Variants in BBX observed in about 807,000 individuals in gnomAD.
The protein encoded by BBX is HMG box transcription factor BBX.
In BBX, 30 loss-of-function variants were observed where a neutral mutation model predicts 100.2. The observed-to-expected ratio is 0.30, with a 90% confidence interval of 0.22 to 0.41. The LOEUF (loss-of-function observed/expected upper bound fraction) is 0.41, where lower values mean the gene tolerates loss of function less well. Ranked by LOEUF, BBX falls within the 10% of genes least tolerant of loss-of-function variation. BBX has a pLI of 1.00. For synonymous variants in BBX, 376 were observed against 388.1 expected (o/e 0.97, Z 0.37); for missense variants, 1,023 against 1,129.8 (o/e 0.91, Z 1.35).
rs1414866264 is a variant in BBX, at chr3:107,774,791, G to T, written c.1988G>T (p.Ser663Ile). 4 of 1,613,502 alleles carry T rather than the reference G, an allele frequency of 2.5e-6. No individual in the cohort carries two copies. In the African/African-American group the frequency reaches 4.0e-5, roughly 16 times the overall value. The change falls in exon 12 of 18, where the codon AGT becomes ATT. Residue 663 changes from serine (S) to isoleucine (I), a missense_variant. Physicochemically the swap from Ser to Ile is moderately radical, Grantham distance 142. Coordinates refer to ENST00000325805, the MANE Select transcript of BBX (RefSeq NM_001142568.3). ...TGGAATGAAGAAAGCTGGACATTTA[G>T]TCAGAGTGGGACCAGTGGGAGCAAG... ...GCWNEESWTF[S>I]QSGTSGSKKF...
chr3:107,723,963 C>A (rs1157105609), intron 5 of BBX, among the ~76,000 whole-genome samples: 2 of 152,160 alleles, frequency 1.3e-5, no homozygotes, highest in African/African-American at 2.4e-5. Flanking sequence ...ATTTCCAGTT[C>A]TAGATCCTTG....
intron 3 of BBX, among the ~76,000 whole-genome samples, chr3:107,668,004 A>G (rs1239096139): frequency 6.6e-6 from 1 of 152,194 alleles, no homozygotes; most frequent in Non-Finnish European, 1.5e-5. Flanking sequence ...AAAAATTTAC[A>G]TTTCCAAAAG....
chr3:107,681,162 G>T (rs775115197), intron 3 of BBX, among the ~76,000 whole-genome samples: 42 of 152,252 alleles, frequency 2.8e-4, no homozygotes, highest in Middle Eastern at 3.4e-3. Flanking sequence ...AATAGACACA[G>T]AAATATTAAT....
intron 4 of BBX, among the ~76,000 whole-genome samples, chr3:107,714,932 C>T (rs922644719): frequency 1.3e-5 from 2 of 151,932 alleles, no homozygotes; most frequent in Non-Finnish European, 2.9e-5. Context: ...ACTACAGGCA[C>T]GCGCCACCAT....
At chr3:107,614,592 T>G (rs1236568831) in intron 2 of BBX, among the ~76,000 whole-genome samples, 1 of 152,214 alleles carries the variant, frequency 6.6e-6, no homozygotes, top group African/African-American at 2.4e-5. Context: ...CCCCTGATAT[T>G]AAATGGTGTA....
chr3:107,789,756 T>G, intron 13 of BBX, 31 bp from the exon 14 acceptor site: 1 of 1,347,490 alleles, frequency 7.4e-7, no homozygotes, highest in Non-Finnish European at 1.0e-6. Context: ...ATTGTGAATT[T>G]AAAATATATT....
intron 2 of BBX, among the ~76,000 whole-genome samples, chr3:107,549,296 A>G (rs917372454): frequency 1.3e-5 from 2 of 152,200 alleles, no homozygotes; most frequent in Non-Finnish European, 2.9e-5. Flanking sequence ...TATGAAGTAT[A>G]CTTTCTAGTG....
At chr3:107,725,853 A>T (rs938897707) in intron 5 of BBX, among the ~76,000 whole-genome samples, 4 of 152,090 alleles carry the variant, frequency 2.6e-5, no homozygotes, top group African/African-American at 7.2e-5. Context: ...ATTGGAAGCC[A>T]TGAGGTGAAT....
chr3:107,799,055 CA>C (rs1433371073), intron 16 of BBX, among the ~76,000 whole-genome samples: 10 of 151,282 alleles, frequency 6.6e-5, no homozygotes, highest in African/African-American at 2.4e-4. Flanking sequence ...GAGGCTGAGG[CA>C]GGAGAATGGC....
intron 3 of BBX, among the ~76,000 whole-genome samples, chr3:107,653,279 G>A (rs1314165230): frequency 6.6e-6 from 1 of 152,172 alleles, no homozygotes; most frequent in East Asian, 1.9e-4. Context: ...GAATCAGCAG[G>A]TGTTTGTTAA....
intron 2 of BBX, among the ~76,000 whole-genome samples, chr3:107,575,797 T>C (rs909808822): frequency 6.6e-6 from 1 of 152,220 alleles, no homozygotes; most frequent in African/African-American, 2.4e-5. Context: ...GCAAGTTTTC[T>C]AAATGTAGAT....
chr3:107,646,551 T>C (rs1032192929), intron 3 of BBX, among the ~76,000 whole-genome samples: 2 of 152,140 alleles, frequency 1.3e-5, no homozygotes, highest in African/African-American at 2.4e-5. Context: ...TGTATGGTAA[T>C]AATATTTTAA....
intron 3 of BBX, among the ~76,000 whole-genome samples, chr3:107,650,791 T>A (rs555161502): frequency 6.6e-6 from 1 of 152,166 alleles, no homozygotes; most frequent in Non-Finnish European, 1.5e-5. Flanking sequence ...CTTGTGTTGC[T>A]GTAACACATA....
intron 3 of BBX, among the ~76,000 whole-genome samples, chr3:107,669,893 C>T (rs972676662): frequency 3.9e-5 from 6 of 152,088 alleles, no homozygotes; most frequent in African/African-American, 1.4e-4. Flanking sequence ...GTCGCCAAGC[C>T]TTTTAACACC....
At chr3:107,701,388 G>A (rs534336044) in intron 3 of BBX, among the ~76,000 whole-genome samples, 5 of 152,076 alleles carry the variant, frequency 3.3e-5, no homozygotes, top group Non-Finnish European at 7.4e-5. Context: ...TTATACTTAA[G>A]GTATATTCAT....
intron 3 of BBX, among the ~76,000 whole-genome samples, chr3:107,692,464 A>G (rs558489328): frequency 6.6e-5 from 10 of 151,704 alleles, no homozygotes; most frequent in African/African-American, 1.5e-4. Flanking sequence ...TTGTCCTTGC[A>G]ATAGTTTGCT....
chr3:107,715,980 C>T (rs921139443), intron 4 of BBX, among the ~76,000 whole-genome samples: 1 of 152,174 alleles, frequency 6.6e-6, no homozygotes, highest in African/African-American at 2.4e-5. Context: ...GTTCTTCTTT[C>T]AAATAATCAT....
intron 2 of BBX, among the ~76,000 whole-genome samples, chr3:107,630,440 G>T (rs2056476137): frequency 6.6e-6 from 1 of 152,108 alleles, no homozygotes; most frequent in Non-Finnish European, 1.5e-5. Flanking sequence ...GTATTATTTG[G>T]TTGCTGTCAT....
intron 9 of BBX, among the ~76,000 whole-genome samples, chr3:107,749,675 C>T (rs553285582): frequency 2.0e-5 from 3 of 151,516 alleles, no homozygotes; most frequent in South Asian, 4.2e-4. Flanking sequence ...CCCTCATTAC[C>T]TAGGCTGGAG....
Sources: gnomAD v4.1 joint callset for allele counts (sites outside exome capture counted in the v4.1 genomes callset) on GRCh38, gnomAD v4.1.1 for gene constraint, MANE v1.5 for transcripts, NCBI Gene and HGNC (gene_info 2026-07-23, HGNC 2026-07-21) for gene names.